Variants in NDUFV2 observed in about 807,000 individuals in gnomAD.
NDUFV2 encodes NADH:ubiquinone oxidoreductase core subunit V2.
A neutral mutation model predicts 31.6 loss-of-function variants in NDUFV2; 18 were observed. The observed-to-expected ratio is 0.57, with a 90% confidence interval of 0.39 to 0.84. NDUFV2 has a LOEUF of 0.84. Ranked by LOEUF, NDUFV2 falls within the 40% of genes least tolerant of loss-of-function variation. The pLI is 0.00. For synonymous variants in NDUFV2, 83 were observed against 99.8 expected (o/e 0.83, Z 1.01); for missense variants, 314 against 303.6 (o/e 1.03, Z -0.26).
chr18:9,125,084 T>C, intron 6 of NDUFV2, 101 bp downstream of exon 6: 4 of 1,277,368 alleles, frequency 3.1e-6, no homozygotes, highest in Non-Finnish European at 4.4e-6. Context: ...TCTGAATTAC[T>C]CATTTAGAAG....
intron 2 of NDUFV2, among the ~76,000 whole-genome samples, chr18:9,118,394 T>G (rs1444162545): frequency 1.3e-5 from 2 of 152,120 alleles, no homozygotes; most frequent in Non-Finnish European, 2.9e-5. Context: ...ATATTATATC[T>G]CCCTTTTCTG....
chr18:9,133,948 CTAT>C (rs2078062338), intron 7 of NDUFV2, among the ~76,000 whole-genome samples: 1 of 152,040 alleles, frequency 6.6e-6, no homozygotes, highest in Admixed American at 6.6e-5. Flanking sequence ...TAAATAGGAA[CTAT>C]TATTAGGGCT....
chr18:9,133,961 T>A (rs991186735), intron 7 of NDUFV2, among the ~76,000 whole-genome samples: 1 of 152,238 alleles, frequency 6.6e-6, no homozygotes, highest in African/African-American at 2.4e-5. Flanking sequence ...TTATTAGGGC[T>A]ACTTTTGTAT....
chr18:9,134,173 CT>C lies in NDUFV2; in HGVS notation c.657-9del. 1 of 1,601,222 alleles carries C rather than the reference CT, an allele frequency of 6.2e-7. No individual in the cohort carries two copies. The highest frequency in any genetic ancestry group is 8.6e-7 in the Non-Finnish European group (1 of 1,168,616). On this transcript the variant is annotated splice_polypyrimidine_tract_variant and intron_variant, in intron 7 of 7. Coordinates refer to ENST00000318388, the MANE Select transcript of NDUFV2 (RefSeq NM_021074.5). The stretch of plus-strand genomic sequence containing the variant: ...GTTAATCATTAATAGTTTAATATTA[CT>C]TTTCATTTCAGGAGTGGACGCTTCT...
chr18:9,116,476 T>G (rs1446248412), intron 1 of NDUFV2, among the ~76,000 whole-genome samples: 1 of 152,240 alleles, frequency 6.6e-6, no homozygotes, highest in African/African-American at 2.4e-5. Flanking sequence ...GTGACTGTCT[T>G]CTAAATTTTA....
At chr18:9,128,079 T>C (rs1389209858) in intron 7 of NDUFV2, among the ~76,000 whole-genome samples, 1 of 152,188 alleles carries the variant, frequency 6.6e-6, no homozygotes, top group Non-Finnish European at 1.5e-5. Flanking sequence ...CTCTTAATAC[T>C]AGCAAATGTT....
intron 2 of NDUFV2, among the ~76,000 whole-genome samples, chr18:9,119,093 C>G (rs1333489949): frequency 1.3e-5 from 2 of 151,996 alleles, no homozygotes; most frequent in Non-Finnish European, 2.9e-5. Flanking sequence ...AGGTACTTCT[C>G]TTATTCTTTA....
In NDUFV2 at chr18:9,114,451, T is replaced by C. The variant is rs1206736905; in HGVS notation, c.55-3387T>C. On this transcript the variant is annotated intron_variant, in intron 1 of 7. Transcript: ENST00000318388. ...AAAATGCAGTTGTTTGGATCTTTTT[T>C]TTTTTTTTTTTTTTAGTTATTAAAT... Among the ~76,000 whole-genome samples the C allele has an allele frequency of 7.1e-5, 10 of 141,040 alleles. 1 individual carries two copies. The highest frequency in any genetic ancestry group is 1.5e-5 in the Non-Finnish European group (1 of 64,842). 92.5% of individuals were successfully genotyped at this position (141,040 alleles called of 152,430 possible). A position where few individuals can be genotyped will look rare whatever the true frequency, so the allele number is the denominator to read the frequency against.
At chr18:9,128,527 CT>C (rs921039401) in intron 7 of NDUFV2, among the ~76,000 whole-genome samples, 1 of 152,050 alleles carries the variant, frequency 6.6e-6, no homozygotes, top group Non-Finnish European at 1.5e-5. Flanking sequence ...GGGTATACCC[CT>C]TTTTTTAGGA....
intron 1 of NDUFV2, among the ~76,000 whole-genome samples, chr18:9,114,675 C>T (rs1003167677): frequency 2.6e-5 from 4 of 152,102 alleles, no homozygotes; most frequent in Non-Finnish European, 5.9e-5. Context: ...GTAATCTAAA[C>T]CCAAGGCCTC....
At chr18:9,112,017 GTT>G (rs10659823) in intron 1 of NDUFV2, among the ~76,000 whole-genome samples, 8 of 122,368 alleles carry the variant, frequency 6.5e-5, no homozygotes, top group Admixed American at 8.8e-5. Flanking sequence ...CATCAGAAGG[GTT>G]TTTTTTTTTT....
intron 1 of NDUFV2, chr18:9,103,926 G>A: frequency 2.2e-6 from 1 of 463,666 alleles, no homozygotes; most frequent in Non-Finnish European, 3.8e-6. Flanking sequence ...CATTTTTGAG[G>A]CTGGTATTAC....
At chr18:9,122,768 T>G (rs2077949871) in intron 5 of NDUFV2, 87 bp downstream of exon 5, 1 of 1,363,614 alleles carries the variant, frequency 7.3e-7, no homozygotes, top group Non-Finnish European at 1.0e-6. Context: ...ATTTCCAACT[T>G]CTGCCATCTT....
chr18:9,117,327 AC>A (rs1208887535), intron 1 of NDUFV2: 1 of 156,682 alleles, frequency 6.4e-6, no homozygotes, highest in African/African-American at 2.4e-5. Context: ...GAACCACCAC[AC>A]CCGGCCAGAA....
At chr18:9,108,726 T>C (rs1013437926) in intron 1 of NDUFV2, among the ~76,000 whole-genome samples, 3 of 149,996 alleles carry the variant, frequency 2.0e-5, no homozygotes, top group African/African-American at 7.4e-5. Context: ...AGTCTTACTC[T>C]GTTGCCCAGG....
intron 7 of NDUFV2, among the ~76,000 whole-genome samples, chr18:9,128,979 TTAGGCTA>T (rs1427120676): frequency 6.6e-6 from 1 of 152,156 alleles, no homozygotes; most frequent in Admixed American, 6.5e-5. Flanking sequence ...GCTCTGTCAC[TTAGGCTA>T]TAGTGCAGTG....
chr18:9,127,451 GTTTT>G (rs756770684), intron 7 of NDUFV2, among the ~76,000 whole-genome samples: 3 of 152,082 alleles, frequency 2.0e-5, no homozygotes, highest in Admixed American at 2.0e-4. Flanking sequence ...ACTAATCATG[GTTTT>G]TTGTCTTTTT....
chr18:9,120,448 TC>T (rs1443138371), intron 4 of NDUFV2, among the ~76,000 whole-genome samples: 1 of 152,194 alleles, frequency 6.6e-6, no homozygotes, highest in African/African-American at 2.4e-5. Context: ...TGAATTCATT[TC>T]TAAATCAGTG....
At chr18:9,133,661 T>C (rs946629928) in intron 7 of NDUFV2, among the ~76,000 whole-genome samples, 4 of 152,212 alleles carry the variant, frequency 2.6e-5, no homozygotes, top group Non-Finnish European at 1.5e-5. Flanking sequence ...CCAAATACAA[T>C]GTATAAGTGT....
Sources: allele counts gnomAD v4.1 joint callset (sites outside exome capture counted in the v4.1 genomes callset), GRCh38; gene constraint gnomAD v4.1.1; transcripts MANE v1.5; gene names NCBI Gene and HGNC (gene_info 2026-07-23, HGNC 2026-07-21).